NAP1L1: variants seen among roughly 807,000 people sequenced by gnomAD.
NAP1L1 encodes the protein nucleosome assembly protein 1-like 1.
In NAP1L1, 9 loss-of-function variants were observed where a neutral mutation model predicts 58.9. The observed-to-expected ratio is 0.15, with a 90% CI of 0.09 to 0.27. NAP1L1 has a LOEUF of 0.27. NAP1L1 is among the 10% of genes least tolerant of loss of function. NAP1L1 has a pLI of 1.00. For missense variants in NAP1L1, 302 were observed against 458.8 expected, an observed-to-expected ratio of 0.66 and a Z score of 3.12; for synonymous variants, 130 against 138.3, an observed-to-expected ratio of 0.94 and a Z score of 0.42.
At chr12:76,076,545 T>C (rs1015947743) in intron 1 of NAP1L1, among the ~76,000 whole-genome samples, 2 of 125,758 alleles carry the variant, frequency 1.6e-5, no homozygotes, top group South Asian at 5.3e-4. Flanking sequence ...CCTTTGGATA[T>C]GGAAATATAT....
intron 2 of NAP1L1, 56 bp from the exon 3 acceptor site, chr12:76,069,050 T>A (rs1949826069): frequency 1.4e-5 from 18 of 1,270,094 alleles, no homozygotes; most frequent in Non-Finnish European, 2.0e-5. Context: ...CAAAAAAAGT[T>A]ACAGAAAAAC....
intron 6 of NAP1L1, chr12:76,057,671 A>AAT: frequency 6.8e-7 from 1 of 1,465,476 alleles, no homozygotes; most frequent in South Asian, 1.2e-5. Context: ...GAGTACTGTG[A>AAT]ATATATGCCT....
In NAP1L1 at chr12:76,045,389, C is replaced by G. The variant is rs1450698482; in HGVS notation, c.*3040G>C. 6.6e-6 allele frequency: 1 copy of G among 152,144 alleles called. No individual in the cohort carries two copies. The highest frequency in any genetic ancestry group is 1.9e-4 in the East Asian group (1 of 5,178). 9.4% of individuals were successfully genotyped at this position (152,144 alleles called of 1,614,324 possible). On this transcript the variant is annotated 3_prime_UTR_variant, in exon 15 of 15. Transcript: ENST00000618691. ...AGCACGATAAGATTTTCAGTTACTT[C>G]AAGTTTTGTCTTTATTTTTAATAAT...
rs557476307 is a variant in NAP1L1, at chr12:76,046,462, A to G, written c.*1967T>C. On this transcript the variant is annotated 3_prime_UTR_variant, in exon 15 of 15. Coordinates refer to ENST00000618691, the MANE Select transcript of NAP1L1 (RefSeq NM_004537.7). Reference sequence around the variant, plus strand: ...GGGATTCTATCTTTGAAGTTCAGAAAAAGCTGCATTTCGATGAACTATGGT... The same window carrying G: ...GGGATTCTATCTTTGAAGTTCAGAAGAAGCTGCATTTCGATGAACTATGGT... The G allele has an allele frequency of 6.6e-6, 1 of 152,526 alleles. No individual in the cohort carries two copies. The highest frequency in any genetic ancestry group is 1.9e-4 in the East Asian group (1 of 5,188). 9.4% of individuals were successfully genotyped at this position (152,526 alleles called of 1,614,324 possible).
chr12:76,063,512 T>C (rs1344524908), intron 4 of NAP1L1, among the ~76,000 whole-genome samples: 5 of 152,108 alleles, frequency 3.3e-5, no homozygotes, highest in South Asian at 4.2e-4. Context: ...GAAGCAAACA[T>C]TGAGGCCGAG....
Position 76,050,640 on chromosome 12 carries a change from T to G in NAP1L1, c.950A>C (p.Glu317Ala). Residue 317 changes from glutamate to alanine, a missense_variant, in exon 12 of 15, where the codon GAA becomes GCA. Glu to Ala is a moderately radical substitution (Grantham distance 107). Transcript: ENST00000618691. ...TTCGAAGTCTGCAGCAAGGATAGCT[T>G]CAGCATCATCATCCTATTTTTAAAG... ...PESGDLDDDA[E>A]AILAADFEIG... is the part of the protein sequence containing the mutation. 1 of 1,601,638 alleles carries G rather than the reference T, an allele frequency of 6.2e-7. No homozygotes were observed. The highest frequency in any genetic ancestry group is 8.5e-7 in the Non-Finnish European group (1 of 1,176,994).
intron 1 of NAP1L1, 85 bp from the exon 2 acceptor site, chr12:76,074,324 C>T (rs1950094608): frequency 7.1e-7 from 1 of 1,400,580 alleles, no homozygotes; most frequent in Admixed American, 3.1e-5. Flanking sequence ...AAATCAATAC[C>T]ATACTGAAAA....
Position 76,040,255 on chromosome 12 carries a change from A to G in NAP1L1, c.*8174T>C, listed in dbSNP as rs1948540259. On this transcript the variant is annotated 3_prime_UTR_variant, in exon 15 of 15. Transcript: ENST00000618691. ...AAAATTTTGCTTGTTTTAAGCCATT[A>G]AGTTTTGGAGGTTGTTTTGTTATGC... The G allele has an allele frequency of 6.6e-6, 1 of 152,150 alleles. No homozygotes were observed. The highest frequency in any genetic ancestry group is 6.5e-5 in the Admixed American group (1 of 15,274). The allele number at this position is 152,150 out of a possible 1,614,324, so 9.4% of individuals were successfully genotyped here. A position where few individuals can be genotyped will look rare whatever the true frequency, so the allele number is the denominator to read the frequency against.
At position 76,053,208 on chromosome 12, in the gene NAP1L1, C is replaced by G; in HGVS notation, c.913G>C (p.Glu305Gln). The change falls in exon 10 of 15, where the codon GAA becomes CAA. Residue 305 changes from glutamate (E) to glutamine (Q), a missense_variant. Coordinates refer to ENST00000618691, the MANE Select transcript of NAP1L1 (RefSeq NM_004537.7). ...DSFFNFFAPPEVPESGDLDDD... is the reference protein window; with the variant it reads ...DSFFNFFAPPQVPESGDLDDD... ...CTCAAGCTAAAACATTATTTACCTT[C>G]AGGAGGGGCAAAAAAGTTAAAGAAA... 1 of 1,613,834 alleles carries G rather than the reference C, an allele frequency of 6.2e-7. No homozygotes were observed. Among genetic ancestry groups the G allele is most frequent in the Non-Finnish European group, 8.5e-7 (1 of 1,179,900 alleles).
At position 76,042,144 on chromosome 12, in the gene NAP1L1, C is replaced by T. The variant is rs1227255310; in HGVS notation, c.*6285G>A. On this transcript the variant is annotated 3_prime_UTR_variant, in exon 15 of 15. Coordinates refer to ENST00000618691, the MANE Select transcript of NAP1L1 (RefSeq NM_004537.7). ...GTCTTAGTCTCAGTGTTCTTATGTA[C>T]ACTGAGTAATGCATCCCTTACACCT... 2.6e-5 allele frequency: 4 copies of T among 152,040 alleles called. No homozygotes were observed. The highest frequency in any genetic ancestry group is 4.4e-5 in the Non-Finnish European group (3 of 68,006). The allele number at this position is 152,040 out of a possible 1,614,324, so 9.4% of individuals were successfully genotyped here. A position where few individuals can be genotyped will look rare whatever the true frequency, so the allele number is the denominator to read the frequency against.
chr12:76,061,773 T>G (rs762878418), intron 4 of NAP1L1, among the ~76,000 whole-genome samples: 20 of 152,232 alleles, frequency 1.3e-4, no homozygotes, highest in Non-Finnish European at 2.5e-4. Context: ...TACTTAAGAT[T>G]ATTAGAAATA....
chr12:76,059,966 T>A, intron 5 of NAP1L1, 88 bp from the exon 6 acceptor site: 6 of 1,256,228 alleles, frequency 4.8e-6, no homozygotes, highest in Non-Finnish European at 6.7e-6. Context: ...TCTTACAAAT[T>A]TAACAAATGC....
In NAP1L1 at chr12:76,038,948, A is replaced by G. The variant is rs948853336; in HGVS notation, c.*9481T>C. 1.3e-4 allele frequency: 20 copies of G among 152,178 alleles called. No homozygotes were observed. The highest frequency in any genetic ancestry group is 4.8e-4 in the African/African-American group (20 of 41,422). 9.4% of individuals were successfully genotyped at this position (152,178 alleles called of 1,614,324 possible). On this transcript the variant is annotated 3_prime_UTR_variant, in exon 15 of 15. Transcript: ENST00000618691. ...ATTTGTGCATGCATGGTTCTGAGAAAGGTTATCATGCAAAATGAAATAAAA... is the reference window on the plus strand; with the variant it reads ...ATTTGTGCATGCATGGTTCTGAGAAGGGTTATCATGCAAAATGAAATAAAA...
intron 11 of NAP1L1, 98 bp from the exon 12 acceptor site, chr12:76,050,751 C>A: frequency 7.6e-7 from 1 of 1,315,448 alleles, no homozygotes; most frequent in Non-Finnish European, 1.0e-6. Context: ...TGATGGCTCA[C>A]AACTGTAGTC....
intron 11 of NAP1L1, among the ~76,000 whole-genome samples, chr12:76,052,256 A>C (rs1948876165): frequency 6.6e-6 from 1 of 152,032 alleles, no homozygotes; most frequent in South Asian, 2.1e-4. Context: ...GTAACAAACA[A>C]ACAAACAAAC....
At chr12:76,058,989 C>G (rs1421450015) in intron 6 of NAP1L1, among the ~76,000 whole-genome samples, 1 of 152,146 alleles carries the variant, frequency 6.6e-6, no homozygotes, top group Non-Finnish European at 1.5e-5. Flanking sequence ...TACTAAAAGC[C>G]TTAAAACCAC....
intron 2 of NAP1L1, among the ~76,000 whole-genome samples, chr12:76,070,398 A>AC (rs1249501845): frequency 6.6e-6 from 1 of 152,136 alleles, no homozygotes; most frequent in Non-Finnish European, 1.5e-5. Flanking sequence ...ATAAGCCACC[A>AC]CGCCCAGCCT....
intron 1 of NAP1L1, among the ~76,000 whole-genome samples, chr12:76,074,950 A>G (rs1950114586): frequency 6.6e-6 from 1 of 152,140 alleles, no homozygotes; most frequent in Admixed American, 6.6e-5. Context: ...TGGTTACCAG[A>G]CCTGAGTAAG....
rs915321330 is a variant in NAP1L1, at chr12:76,043,141, C to A, written c.*5288G>T. 4.6e-5 allele frequency: 7 copies of A among 152,160 alleles called. No individual in the cohort carries two copies. The highest frequency in any genetic ancestry group is 1.3e-4 in the Admixed American group (2 of 15,272). The allele number at this position is 152,160 out of a possible 1,614,324, so 9.4% of individuals were successfully genotyped here. A position where few individuals can be genotyped will look rare whatever the true frequency, so the allele number is the denominator to read the frequency against. The stretch of plus-strand genomic sequence containing the variant: ...TACTTTTTCAGTTGCATATATATGA[C>A]CCTGAAGCCTTTACTGGCCCCTGGG... On this transcript the variant is annotated 3_prime_UTR_variant, in exon 15 of 15. Transcript: ENST00000618691.
Sources: allele counts gnomAD v4.1 joint callset (sites outside exome capture counted in the v4.1 genomes callset), GRCh38; gene constraint gnomAD v4.1.1; transcripts MANE v1.5; gene names NCBI Gene and HGNC (gene_info 2026-07-23, HGNC 2026-07-21).